Variants in ANK3 observed in about 807,000 individuals in gnomAD.
The protein encoded by ANK3 is ankyrin 3, also known as ankyrin-3.
A neutral mutation model predicts 370.9 loss-of-function variants in ANK3; 57 were observed. That is an observed-to-expected ratio of 0.15 (90% CI 0.12 to 0.19). The LOEUF (loss-of-function observed/expected upper bound fraction) is 0.19. ANK3 is among the 10% of genes least tolerant of loss of function. The probability of loss-of-function intolerance (pLI) is 1.00; values close to 1 mark genes in which losing one functional copy is unlikely to be tolerated. For synonymous variants in ANK3, 1,929 were observed against 1,946.3 expected, an observed-to-expected ratio of 0.99 and a Z score of 0.23; for missense variants, 4,439 against 5,302.1, an observed-to-expected ratio of 0.84 and a Z score of 5.06.
At chr10:60,516,244 A>T (rs1159200893) in intron 2 of ANK3, among the ~76,000 whole-genome samples, 1 of 152,184 alleles carries the variant, frequency 6.6e-6, no homozygotes, top group East Asian at 1.9e-4. Context: ...TGTTTATAAC[A>T]GTAGCCCCCA....
intron 2 of ANK3, among the ~76,000 whole-genome samples, chr10:60,450,821 C>G (rs1245597188): frequency 6.6e-6 from 1 of 152,170 alleles, no homozygotes; most frequent in African/African-American, 2.4e-5. Context: ...TCACAGAACA[C>G]TTAACGTGAA....
chr10:60,472,137 A>T (rs2065234179), intron 2 of ANK3, among the ~76,000 whole-genome samples: 1 of 152,174 alleles, frequency 6.6e-6, no homozygotes. Flanking sequence ...TTGGAAATAA[A>T]GATTTTCAGA....
At chr10:60,473,107 T>C (rs2065257356) in intron 2 of ANK3, among the ~76,000 whole-genome samples, 2 of 152,130 alleles carry the variant, frequency 1.3e-5, no homozygotes, top group South Asian at 4.1e-4. Context: ...GAATATCAAA[T>C]AAAAAAAGAT....
At chr10:60,354,237 T>A (rs1247868336) in intron 1 of ANK3, among the ~76,000 whole-genome samples, 1 of 152,104 alleles carries the variant, frequency 6.6e-6, no homozygotes, top group Non-Finnish European at 1.5e-5. Flanking sequence ...TGAGAGAAGA[T>A]CTGAGAAACC....
chr10:60,731,760 T>C (rs1224788358), intron 1 of ANK3, among the ~76,000 whole-genome samples: 1 of 152,216 alleles, frequency 6.6e-6, no homozygotes, highest in Non-Finnish European at 1.5e-5. Flanking sequence ...AATCTGAGAC[T>C]GCCTCCCTAT....
intron 1 of ANK3, among the ~76,000 whole-genome samples, chr10:60,312,739 CAAAT>C: frequency 6.6e-6 from 1 of 152,348 alleles, no homozygotes; most frequent in Middle Eastern, 3.4e-3. Flanking sequence ...CCAATATTCA[CAAAT>C]AAAGAGATTT....
At chr10:60,632,532 T>C (rs893441615) in intron 1 of ANK3, among the ~76,000 whole-genome samples, 6 of 152,298 alleles carry the variant, frequency 3.9e-5, no homozygotes, top group African/African-American at 1.4e-4. Context: ...AAGACTCATT[T>C]GAGCCCAAGA....
At chr10:60,618,402 A>G (rs4440978) in intron 1 of ANK3, among the ~76,000 whole-genome samples, 4,246 of 152,310 alleles carry the variant, frequency 0.028, 74 homozygotes, top group Non-Finnish European at 0.045. Context: ...TTTAATATTC[A>G]TCAATATTTC....
intron 25 of ANK3, among the ~76,000 whole-genome samples, chr10:60,122,242 T>C (rs2093524500): frequency 2.6e-5 from 4 of 152,262 alleles, no homozygotes; most frequent in African/African-American, 9.6e-5. Context: ...ATCTGAATGA[T>C]AGATTTGGGA....
In ANK3 at chr10:60,075,665, G is replaced by A; in HGVS notation, c.5216C>T (p.Ala1739Val). 1 of 1,614,098 alleles carries A rather than the reference G, an allele frequency of 6.2e-7. No individual in the cohort carries two copies. Residue 1739 changes from alanine (A) to valine (V), a missense_variant, in exon 37 of 44, where the codon GCC (alanine) becomes GTC (valine). Coordinates refer to ENST00000280772, the MANE Select transcript of ANK3 (RefSeq NM_020987.5). ...AGAAGAAATTTTTTCCTGTAACGTG[G>A]CAGTGGCTTTGCATCCATTAATTAA... ...STLINGCKATATLQEKISSAT... is the reference protein window; with the variant it reads ...STLINGCKATVTLQEKISSAT...
chr10:60,264,824 T>C (rs925237907), intron 5 of ANK3, among the ~76,000 whole-genome samples: 2 of 152,124 alleles, frequency 1.3e-5, no homozygotes, highest in Non-Finnish European at 2.9e-5. Flanking sequence ...TCATGAACTG[T>C]ACTCATTGTT....
At chr10:60,344,273 T>G (rs2054912217) in intron 1 of ANK3, among the ~76,000 whole-genome samples, 1 of 152,264 alleles carries the variant, frequency 6.6e-6, no homozygotes. Context: ...TAATTTCATA[T>G]TCCATATTAA....
upstream of ANK3, among the ~76,000 whole-genome samples, chr10:60,394,706 C>A (rs928127391): frequency 6.6e-6 from 1 of 152,184 alleles, no homozygotes; most frequent in African/African-American, 2.4e-5. Context: ...AAGGAGTAGA[C>A]TGGTAGTGCC....
At chr10:60,666,584 T>C (rs1407293718) in intron 1 of ANK3, among the ~76,000 whole-genome samples, 1 of 152,230 alleles carries the variant, frequency 6.6e-6, no homozygotes, top group Non-Finnish European at 1.5e-5. Flanking sequence ...TTTACTTGTA[T>C]TTGACCACAG....
intron 12 of ANK3, among the ~76,000 whole-genome samples, chr10:60,202,337 G>A (rs980552669): frequency 6.6e-6 from 1 of 151,678 alleles, no homozygotes; most frequent in African/African-American, 2.4e-5. Flanking sequence ...TGGTCAGGCT[G>A]GTCTCGAACT....
At position 60,490,786 on chromosome 10, in the gene ANK3, G is replaced by A. The variant is rs553380601; in HGVS notation, c.96+124400C>T. ...TTGCCACCATTTCTTAAAAATAGAG[G>A]CATGACTGGCATATAATAAAATGTA... On this transcript the variant is annotated intron_variant, in intron 2 of 43. Coordinates refer to the ANK3 transcript ENST00000373827. Among the ~76,000 whole-genome samples, 6 of 152,232 alleles carry A rather than the reference G, an allele frequency of 3.9e-5. No individual in the cohort carries two copies. In the South Asian group the frequency reaches 1.2e-3, roughly 32 times the overall value.
intron 1 of ANK3, among the ~76,000 whole-genome samples, chr10:60,731,778 A>G (rs2080025721): frequency 6.6e-6 from 1 of 152,126 alleles, no homozygotes; most frequent in South Asian, 2.1e-4. Flanking sequence ...TATAAAGCCT[A>G]CCTGCCCTGA....
intron 1 of ANK3, among the ~76,000 whole-genome samples, chr10:60,697,508 T>A (rs1167194707): frequency 4.0e-5 from 6 of 149,952 alleles, no homozygotes; most frequent in South Asian, 2.2e-4. Flanking sequence ...AAACTATACT[T>A]CAAGGCTACA....
intron 23 of ANK3, among the ~76,000 whole-genome samples, chr10:60,147,529 T>G (rs2094890358): frequency 1.3e-5 from 2 of 152,218 alleles, no homozygotes; most frequent in Non-Finnish European, 2.9e-5. Context: ...CCACCAAATC[T>G]CATGTTGAAT....
Sources: allele counts gnomAD v4.1 joint callset (sites outside exome capture counted in the v4.1 genomes callset), GRCh38; gene constraint gnomAD v4.1.1; transcripts MANE v1.5; gene names NCBI Gene and HGNC (gene_info 2026-07-23, HGNC 2026-07-21).